The following NCOA2 variants were observed in gnomAD, a reference collection of about 807,000 sequenced individuals.
The protein encoded by NCOA2 is nuclear receptor coactivator 2.
NCOA2 carries 21 observed loss-of-function variants against 145.1 expected under a neutral mutation model. That is an observed-to-expected ratio of 0.14 (90% confidence interval 0.10 to 0.21). The LOEUF is 0.21. Among genes scored for constraint, NCOA2 ranks in the 10% least tolerant of loss-of-function variants. The pLI is 1.00. For synonymous variants in NCOA2, 619 were observed against 637.5 expected, an observed-to-expected ratio of 0.97 and a Z score of 0.44; for missense variants, 1,472 against 1,837.6, an observed-to-expected ratio of 0.80 and a Z score of 3.64.
At chr8:70,173,903 A>C (rs574133288) in intron 5 of NCOA2, among the ~76,000 whole-genome samples, 1 of 152,288 alleles carries the variant, frequency 6.6e-6, no homozygotes, top group Non-Finnish European at 1.5e-5. Flanking sequence ...TAAAAATACT[A>C]ATTATTGTCT....
chr8:70,201,223 A>T (rs766566762), intron 4 of NCOA2, among the ~76,000 whole-genome samples: 1 of 152,176 alleles, frequency 6.6e-6, no homozygotes, highest in Non-Finnish European at 1.5e-5. Context: ...ATCAATAAGT[A>T]TTACAAGCAG....
At chr8:70,430,928 T>C in the NCOA2 span, among the ~76,000 whole-genome samples, 1 of 152,222 alleles carries the variant, frequency 6.6e-6, no homozygotes, top group Admixed American at 6.5e-5. Flanking sequence ...AACTTATTTC[T>C]AGTTAATAAA....
chr8:70,254,623 T>C (rs1392603910), intron 2 of NCOA2, among the ~76,000 whole-genome samples: 2 of 151,284 alleles, frequency 1.3e-5, no homozygotes, highest in East Asian at 3.9e-4. Context: ...GATTGTATGA[T>C]TCCTCTTACA....
rs1378993499 is a variant in NCOA2 at position 70,388,149 on chromosome 8, G to GGGAGTTCAAGGA, written c.-77+15550_-77+15551insTCCTTGAACTCC. On this transcript the variant is annotated intron_variant, in intron 1 of 22. Transcript: ENST00000452400. The stretch of plus-strand genomic sequence containing the variant: ...ATAGTAAATAGAACTCCCTGATTCA[G>GGGAGTTCAAGGA]AACTCAAGGAAAAAACTGAAAAGGA... Among the ~76,000 whole-genome samples, 1,104 of 152,270 alleles carry GGGAGTTCAAGGA rather than the reference G, an allele frequency of 7.3e-3. 12 individuals carry two copies. The highest frequency in any genetic ancestry group is 0.025 in the African/African-American group (1,033 of 41,542).
intron 1 of NCOA2, among the ~76,000 whole-genome samples, chr8:70,332,687 A>T (rs1807218081): frequency 6.6e-6 from 1 of 152,112 alleles, no homozygotes; most frequent in Admixed American, 6.6e-5. Flanking sequence ...ATATCTAATT[A>T]TTTTTTTCCA....
chr8:70,364,048 G>GA (rs1205420367), intron 1 of NCOA2, among the ~76,000 whole-genome samples: 170 of 148,156 alleles, frequency 1.1e-3, no homozygotes, highest in African/African-American at 3.5e-3. Flanking sequence ...TCAAAGAATG[G>GA]AAAAAAAAAA....
intron 16 of NCOA2, among the ~76,000 whole-genome samples, chr8:70,130,111 C>T (rs751930530): frequency 6.6e-6 from 1 of 152,192 alleles, no homozygotes; most frequent in East Asian, 1.9e-4. Flanking sequence ...CACTGCCCTC[C>T]CTATGGTAAT....
intron 4 of NCOA2, among the ~76,000 whole-genome samples, chr8:70,179,063 CTATT>C (rs1585978369): frequency 6.6e-6 from 1 of 151,924 alleles, no homozygotes; most frequent in East Asian, 1.9e-4. Context: ...TACACAAATG[CTATT>C]TATATATATT....
At chr8:70,362,728 T>G (rs1380550666) in intron 1 of NCOA2, among the ~76,000 whole-genome samples, 2 of 152,178 alleles carry the variant, frequency 1.3e-5, no homozygotes, top group African/African-American at 4.8e-5. Flanking sequence ...CATAGCTACT[T>G]TGAAAACTAT....
At chr8:70,330,950 T>C (rs950318884) in intron 1 of NCOA2, among the ~76,000 whole-genome samples, 6 of 152,194 alleles carry the variant, frequency 3.9e-5, no homozygotes, top group Admixed American at 2.0e-4. Flanking sequence ...TATATAATAT[T>C]TCTCTCCTAA....
At chr8:70,273,421 A>G (rs1189789684) in intron 2 of NCOA2, 4 of 750,854 alleles carry the variant, frequency 5.3e-6, no homozygotes, top group Non-Finnish European at 8.2e-6. Context: ...AACTGCAGGC[A>G]AAAGTGCCCA....
At chr8:70,210,642 C>T (rs1000918699) in intron 4 of NCOA2, among the ~76,000 whole-genome samples, 2 of 152,180 alleles carry the variant, frequency 1.3e-5, no homozygotes, top group African/African-American at 2.4e-5. Flanking sequence ...TCCTTTTCTT[C>T]TCTCCCTTTA....
At chr8:70,350,838 G>A (rs1033332451) in intron 1 of NCOA2, among the ~76,000 whole-genome samples, 2 of 152,104 alleles carry the variant, frequency 1.3e-5, no homozygotes, top group East Asian at 1.9e-4. Flanking sequence ...CTCTACAAAC[G>A]TTCTTATAAT....
intron 4 of NCOA2, among the ~76,000 whole-genome samples, chr8:70,199,451 C>CA (rs1181856736): frequency 0.18 from 13,314 of 75,822 alleles, 1,170 homozygotes; most frequent in Non-Finnish European, 0.22. Context: ...GACTCCATCT[C>CA]AAAAAAAAAA....
intron 2 of NCOA2, among the ~76,000 whole-genome samples, chr8:70,255,081 A>C (rs985536734): frequency 9.2e-5 from 14 of 152,216 alleles, no homozygotes; most frequent in Non-Finnish European, 1.6e-4. Flanking sequence ...CTCAATGGTT[A>C]AACTGAGGAT....
In NCOA2 at chr8:70,343,826, T is replaced by G. The variant is rs1003651045; in HGVS notation, c.-76-47026A>C. ...ACCCCATCTCAAAAAAAAAAAAAAG[T>G]GAAAGAGAAGACAATTGAACATGAG... On this transcript the variant is annotated intron_variant, in intron 1 of 22. Transcript: ENST00000452400. Among the ~76,000 whole-genome samples, 9 of 147,664 alleles carry G rather than the reference T, an allele frequency of 6.1e-5. No homozygotes were observed. The East Asian group carries it at 9.9e-4, about 16-fold the overall frequency.
intron 1 of NCOA2, among the ~76,000 whole-genome samples, chr8:70,315,355 T>C (rs187291143): frequency 1.3e-4 from 20 of 152,232 alleles, no homozygotes; most frequent in African/African-American, 3.9e-4. Flanking sequence ...GAAAATACAT[T>C]AAAACACTAA....
intron 11 of NCOA2, among the ~76,000 whole-genome samples, chr8:70,155,184 C>T (rs1353246535): frequency 6.6e-6 from 1 of 152,196 alleles, no homozygotes; most frequent in Non-Finnish European, 1.5e-5. Flanking sequence ...CATACCATGG[C>T]TCAGACGTAC....
At chr8:70,273,289 G>T in intron 2 of NCOA2, 1 of 238,656 alleles carries the variant, frequency 4.2e-6, no homozygotes. Flanking sequence ...CCCCGTGTGT[G>T]TGCACCTAAT....
Sources: allele counts gnomAD v4.1 joint callset (sites outside exome capture counted in the v4.1 genomes callset), GRCh38; gene constraint gnomAD v4.1.1; transcripts MANE v1.5; gene names NCBI Gene and HGNC (gene_info 2026-07-23, HGNC 2026-07-21).